Variants in METTL15 observed in about 807,000 individuals in gnomAD.
METTL15 encodes methyltransferase 15, mitochondrial 12S rRNA N4-cytidine, also known as 12S rRNA N(4)-cytidine methyltransferase METTL15.
A neutral mutation model predicts 38.3 loss-of-function variants in METTL15; 34 were observed. The observed-to-expected ratio is 0.89, with a 90% CI of 0.68 to 1.18. The LOEUF (loss-of-function observed/expected upper bound fraction) is 1.18, where lower values mean the gene tolerates loss of function less well. METTL15 is among the 50% of genes most tolerant of loss of function. METTL15 has a pLI of 0.00. For missense variants in METTL15, 438 were observed against 498.4 expected (o/e 0.88, Z 1.15); for synonymous variants, 162 against 170.9 (o/e 0.95, Z 0.41).
At chr11:28,323,788 G>T (rs1448393946) in intron 6 of METTL15, among the ~76,000 whole-genome samples, 1 of 152,154 alleles carries the variant, frequency 6.6e-6, no homozygotes, top group African/African-American at 2.4e-5. Flanking sequence ...AAAGAAAACA[G>T]AAAGGATATA....
chr11:28,191,512 G>C (rs1851699784), intron 3 of METTL15, among the ~76,000 whole-genome samples: 1 of 151,358 alleles, frequency 6.6e-6, no homozygotes, highest in South Asian at 2.1e-4. Context: ...AGTACAACAT[G>C]TAGTCAATAA....
At chr11:28,482,029 T>C (rs1405822204) in intron 6 of METTL15, among the ~76,000 whole-genome samples, 1 of 152,116 alleles carries the variant, frequency 6.6e-6, no homozygotes, top group Non-Finnish European at 1.5e-5. Context: ...GCAAACTCTC[T>C]CAGCCCTAGG....
chr11:28,301,953 G>T (rs1449297202), intron 6 of METTL15, among the ~76,000 whole-genome samples: 1 of 152,060 alleles, frequency 6.6e-6, no homozygotes, highest in Non-Finnish European at 1.5e-5. Context: ...CTGTCACCCA[G>T]GCTGGAGTGC....
At position 28,207,179 on chromosome 11, in the gene METTL15, C is replaced by G. The variant is rs926987782; in HGVS notation, c.271-3883C>G. Among the ~76,000 whole-genome samples, 120 of 151,428 alleles carry G rather than the reference C, an allele frequency of 7.9e-4. 1 individual carries two copies. Among genetic ancestry groups the G allele is most frequent in the African/African-American group, 2.7e-3 (112 of 41,084 alleles). On this transcript the variant is annotated intron_variant, in intron 3 of 6. Transcript: ENST00000407364. ...GAGTGGTGAGAGAGGGCATCCGTGTCTTGTGCCAGTTTTCAAAGGGAATGC... is the reference window on the plus strand; with the variant it reads ...GAGTGGTGAGAGAGGGCATCCGTGTGTTGTGCCAGTTTTCAAAGGGAATGC...
chr11:28,490,385 T>C (rs1279325819), intron 6 of METTL15, among the ~76,000 whole-genome samples: 1 of 152,130 alleles, frequency 6.6e-6, no homozygotes, highest in Non-Finnish European at 1.5e-5. Flanking sequence ...CAAATCTATC[T>C]CTTAATAATG....
At chr11:28,483,465 C>CT (rs980714871) in intron 6 of METTL15, among the ~76,000 whole-genome samples, 6 of 151,848 alleles carry the variant, frequency 4.0e-5, no homozygotes, top group Non-Finnish European at 5.9e-5. Flanking sequence ...GGATTTCAAT[C>CT]TTTTTTTTTC....
chr11:28,343,787 G>T (rs1336579821), intron 3 of METTL15, among the ~76,000 whole-genome samples: 1 of 152,142 alleles, frequency 6.6e-6, no homozygotes, highest in Non-Finnish European at 1.5e-5. Context: ...GTGTCTATTT[G>T]CAAGGCACTG....
At chr11:28,179,906 C>T (rs914053510) in intron 3 of METTL15, among the ~76,000 whole-genome samples, 2 of 151,730 alleles carry the variant, frequency 1.3e-5, no homozygotes, top group Non-Finnish European at 2.9e-5. Flanking sequence ...ATATGCAATG[C>T]GACTTAGCAT....
intron 5 of METTL15, among the ~76,000 whole-genome samples, chr11:28,383,465 C>T (rs1212283370): frequency 2.6e-5 from 4 of 152,038 alleles, no homozygotes; most frequent in Admixed American, 6.6e-5. Flanking sequence ...AGTTTATATT[C>T]CTTTGGGTAT....
At position 28,275,017 on chromosome 11, in the gene METTL15, TAGAA is replaced by T. The variant is rs371936237; in HGVS notation, c.408-15185_408-15182del. Among the ~76,000 whole-genome samples the T allele has an allele frequency of 3.3e-3, 502 of 151,442 alleles. 3 individuals are homozygous for T. Among genetic ancestry groups the T allele is most frequent in the Admixed American group, 5.6e-3 (85 of 15,224 alleles). ...ATAGTAATATATGGCTTACATCAAT[TAGAA>T]AGATTACAAACTGACAATCTAGTAA... On this transcript the variant is annotated intron_variant, in intron 4 of 6. Coordinates refer to ENST00000407364, the MANE Select transcript of METTL15 (RefSeq NM_001113528.2).
At chr11:28,257,969 A>C (rs1356627862) in intron 4 of METTL15, among the ~76,000 whole-genome samples, 1 of 152,090 alleles carries the variant, frequency 6.6e-6, no homozygotes, top group Non-Finnish European at 1.5e-5. Context: ...TGGTCATGGA[A>C]GAGTTATGTA....
chr11:28,347,416 T>TA (rs1257834276), intron 3 of METTL15, among the ~76,000 whole-genome samples: 2 of 152,214 alleles, frequency 1.3e-5, no homozygotes, highest in African/African-American at 4.8e-5. Flanking sequence ...GGGTCAGACT[T>TA]ACATTACAAT....
At chr11:28,125,597 A>G (rs897132136) in intron 3 of METTL15, 15 of 152,082 alleles carry the variant, frequency 9.9e-5, no homozygotes, top group South Asian at 2.1e-4. Flanking sequence ...CAAAACCGCA[A>G]TGTTACAGGT....
At position 28,333,077 on chromosome 11, in the gene METTL15, G is replaced by A. The variant is rs1849860903; in HGVS notation, c.*2236G>A. The A allele has an allele frequency of 6.6e-6, 1 of 151,304 alleles. No homozygotes were observed. Among genetic ancestry groups the A allele is most frequent in the South Asian group, 2.1e-4 (1 of 4,802 alleles). 9.4% of individuals were successfully genotyped at this position (151,304 alleles called of 1,614,324 possible). On this transcript the variant is annotated 3_prime_UTR_variant, in exon 7 of 7. Coordinates refer to ENST00000407364, the MANE Select transcript of METTL15 (RefSeq NM_001113528.2). ...AAAGCATGGAATAGATTCTCCCTCAGAGTTCCAGTAGTTGCCAACCCTGCT... is the reference window on the plus strand; with the variant it reads ...AAAGCATGGAATAGATTCTCCCTCAAAGTTCCAGTAGTTGCCAACCCTGCT...
At chr11:28,216,914 G>A (rs1272809291) in intron 4 of METTL15, among the ~76,000 whole-genome samples, 1 of 151,560 alleles carries the variant, frequency 6.6e-6, no homozygotes, top group Non-Finnish European at 1.5e-5. Flanking sequence ...TGGCTGCATA[G>A]TATTCCATGG....
chr11:28,187,872 A>G (rs746388224), intron 3 of METTL15, among the ~76,000 whole-genome samples: 2 of 151,222 alleles, frequency 1.3e-5, no homozygotes, highest in Non-Finnish European at 3.0e-5. Context: ...GAAAATAAAA[A>G]TTTTCTAATA....
At chr11:28,316,419 A>G (rs1055042495) in intron 6 of METTL15, among the ~76,000 whole-genome samples, 2 of 152,218 alleles carry the variant, frequency 1.3e-5, no homozygotes, top group Non-Finnish European at 2.9e-5. Context: ...CTATACTCCC[A>G]TTGCAACTAG....
At chr11:28,217,796 C>A (rs1051417977) in intron 4 of METTL15, among the ~76,000 whole-genome samples, 3 of 152,174 alleles carry the variant, frequency 2.0e-5, no homozygotes, top group African/African-American at 4.8e-5. Context: ...GTTTTCCCAG[C>A]ACCATTTATT....
At chr11:28,249,736 T>C (rs1854658374) in intron 4 of METTL15, among the ~76,000 whole-genome samples, 1 of 152,004 alleles carries the variant, frequency 6.6e-6, no homozygotes, top group Non-Finnish European at 1.5e-5. Flanking sequence ...TTTTTTTTTT[T>C]ACTTTTAAGT....
Sources: allele counts gnomAD v4.1 joint callset (sites outside exome capture counted in the v4.1 genomes callset), GRCh38; gene constraint gnomAD v4.1.1; transcripts MANE v1.5; gene names NCBI Gene and HGNC (gene_info 2026-07-23, HGNC 2026-07-21).